STRAP: variants seen among roughly 807,000 people sequenced by gnomAD.
The protein encoded by STRAP is serine/threonine kinase receptor associated protein.
In STRAP, 16 loss-of-function variants were observed where a neutral mutation model predicts 47.0. The observed-to-expected ratio is 0.34, with a 90% CI of 0.23 to 0.52. The LOEUF (loss-of-function observed/expected upper bound fraction) is 0.52. Ranked by LOEUF, STRAP falls within the 20% of genes least tolerant of loss-of-function variation. The probability of loss-of-function intolerance (pLI) is 0.96; values close to 1 mark genes in which losing one functional copy is unlikely to be tolerated. For missense variants in STRAP, 293 were observed against 420.0 expected (o/e 0.70, Z 2.64); for synonymous variants, 130 against 142.7 (o/e 0.91, Z 0.63).
Position 15,883,013 on chromosome 12 carries a change from G to T in STRAP, c.112+194G>T, listed in dbSNP as rs74063285. The T allele has an allele frequency of 4.2e-3, 6,298 of 1,506,424 alleles. 235 individuals carry two copies. In the African/African-American group the frequency reaches 0.078, roughly 19 times the overall value. 93.3% of individuals were successfully genotyped at this position (1,506,424 alleles called of 1,614,324 possible). ...AATCCGCAGCTGGAGCCGAGAGGAC[G>T]CTTTTGTAGAAACTATTACCTCCAA... On this transcript the variant is annotated intron_variant, in intron 1 of 9. Coordinates refer to ENST00000419869, the MANE Select transcript of STRAP (RefSeq NM_007178.4).
rs1948039940 is a variant in STRAP, at chr12:15,894,077, G to C, written c.434G>C (p.Gly145Ala). The change falls in exon 5 of 10, where the codon GGT (glycine) becomes GCT (alanine). Residue 145 changes from glycine to alanine, a missense_variant. Physicochemically the swap from Gly to Ala is moderately conservative, Grantham distance 60. This residue lies in a region of STRAP where 152 missense variants were observed against 183.0 expected (regional missense o/e 0.83). Transcript: ENST00000419869. This position sits in a 1 kb window ranked among gnomAD's most constrained non-coding sequence, Gnocchi z 4.9. ...EPKEISGHTS[G>A]IKKALWCSED... ...AAGGAAATTAGTGGTCATACTTCTG[G>C]TATAAAAAAAGCTCTGTGGTGCAGT... The C allele has an allele frequency of 6.2e-7, 1 of 1,613,170 alleles. No individual in the cohort carries two copies. Among genetic ancestry groups the C allele is most frequent in the African/African-American group, 1.3e-5 (1 of 74,834 alleles).
Position 15,902,948 on chromosome 12 carries a change from CT to C in STRAP, c.1026del (p.Pro343LeufsTer20). 1 of 1,406,544 alleles carries C rather than the reference CT, an allele frequency of 7.1e-7. No individual in the cohort carries two copies. The highest frequency in any genetic ancestry group is 2.3e-5 in the Admixed American group (1 of 43,292). 87.1% of individuals were successfully genotyped at this position (1,406,544 alleles called of 1,614,324 possible). On this transcript the variant is annotated frameshift_variant, in exon 10 of 10. Transcript: ENST00000419869. LOFTEE classifies it high-confidence loss of function. Reference sequence around the variant, plus strand: ...TTGCTTCAGAGAATTCAGATTGCATCTTTCCTTCAGCTCCTGATGTTAAGGC... The same window carrying C: ...TTGCTTCAGAGAATTCAGATTGCATCTTCCTTCAGCTCCTGATGTTAAGGC... Reference protein sequence around the residue: ...EIASENSDCIFPSAPDVKA With the variant: ...EIASENSDCIXPSAPDVKA
rs373215255 is a variant in STRAP, at chr12:15,882,704, C to T, written c.-4C>T. 13 of 1,608,056 alleles carry T rather than the reference C, an allele frequency of 8.1e-6. No individual in the cohort carries two copies. The highest frequency in any genetic ancestry group is 3.4e-6 in the Non-Finnish European group (4 of 1,178,472). On this transcript the variant is annotated 5_prime_UTR_variant, in exon 1 of 10. Transcript: ENST00000419869. ...CCAGTCCGGTCGCTGGCTTCGCCGCCGCCATGGCAATGAGACAGACGCCGC... is the reference window on the plus strand; with the variant it reads ...CCAGTCCGGTCGCTGGCTTCGCCGCTGCCATGGCAATGAGACAGACGCCGC...
At chr12:15,900,637 G>T (rs1012633543) in intron 8 of STRAP, among the ~76,000 whole-genome samples, 1 of 151,990 alleles carries the variant, frequency 6.6e-6, no homozygotes, top group Non-Finnish European at 1.5e-5. Context: ...GCAATATAAA[G>T]AATTTACAAG....
At position 15,890,017 on chromosome 12, in the gene STRAP, A is replaced by G; in HGVS notation, c.330+8A>G. 2 of 1,613,416 alleles carry G rather than the reference A, an allele frequency of 1.2e-6. No individual in the cohort carries two copies. The highest frequency in any genetic ancestry group is 1.7e-6 in the Non-Finnish European group (2 of 1,179,436). The stretch of plus-strand genomic sequence containing the variant: ...ACTGTGGATTTCACGCAGGTATCAG[A>G]AAATGGAATTTATTTTAGCGAGTTA... On this transcript the variant is annotated splice_region_variant and intron_variant, in intron 3 of 9. Coordinates refer to ENST00000419869, the MANE Select transcript of STRAP (RefSeq NM_007178.4). The surrounding 1 kb of genome is among the most constrained non-coding windows in gnomAD (Gnocchi z 4.5).
chr12:15,891,785 G>T (rs11056695), intron 4 of STRAP, among the ~76,000 whole-genome samples: 10,131 of 151,924 alleles, frequency 0.067, 1,086 homozygotes, highest in African/African-American at 0.22. Context: ...TCTACTAAAA[G>T]TACAAAAAAA....
chr12:15,899,431 C>G (rs1948085528), intron 7 of STRAP, among the ~76,000 whole-genome samples: 1 of 152,116 alleles, frequency 6.6e-6, no homozygotes, highest in Non-Finnish European at 1.5e-5. Context: ...TTCTGTGTGA[C>G]AGAATAATTA....
Position 15,882,681 on chromosome 12 carries a change from A to T in STRAP, c.-27A>T, listed in dbSNP as rs751716028. The T allele has an allele frequency of 2.4e-5, 38 of 1,587,184 alleles. No individual in the cohort carries two copies. In the Admixed American group the frequency reaches 3.8e-4, roughly 16 times the overall value. On this transcript the variant is annotated 5_prime_UTR_variant, in exon 1 of 10. Coordinates refer to ENST00000419869, the MANE Select transcript of STRAP (RefSeq NM_007178.4). ...AGACAACGACGACCCTCAGCTCGCC[A>T]GTCCGGTCGCTGGCTTCGCCGCCGC...
At chr12:15,897,177 A>G (rs1948066104) in intron 6 of STRAP, among the ~76,000 whole-genome samples, 1 of 152,230 alleles carries the variant, frequency 6.6e-6, no homozygotes, top group African/African-American at 2.4e-5. Context: ...TTTAAAGTAT[A>G]TGATGATGGG....
In STRAP at chr12:15,890,774, T is replaced by G. The variant is rs1226091750; in HGVS notation, c.403+105T>G. 4.9e-5 allele frequency: 50 copies of G among 1,012,894 alleles called. No individual in the cohort carries two copies. The highest frequency in any genetic ancestry group is 7.3e-5 in the Non-Finnish European group (50 of 688,398). 62.7% of individuals were successfully genotyped at this position (1,012,894 alleles called of 1,614,324 possible). On this transcript the variant is annotated intron_variant, in intron 4 of 9. Coordinates refer to ENST00000419869, the MANE Select transcript of STRAP (RefSeq NM_007178.4). This position sits in a 1 kb window ranked among gnomAD's most constrained non-coding sequence, Gnocchi z 4.5. ...ACTCAAATTTGGAAAATAAAGATAG[T>G]CATGGCCGGGCACGGTGGCTCATAC...
intron 2 of STRAP, among the ~76,000 whole-genome samples, chr12:15,884,470 C>T (rs567839531): frequency 7.7e-4 from 116 of 151,248 alleles, no homozygotes; most frequent in African/African-American, 2.8e-3. Context: ...TTCAAATATT[C>T]AAATGGTATG....
chr12:15,882,857 A>G (rs1226119768), intron 1 of STRAP, 38 bp downstream of exon 1: 6 of 1,582,818 alleles, frequency 3.8e-6, no homozygotes, highest in Non-Finnish European at 5.2e-6. Flanking sequence ...GACGGCTGGG[A>G]CTGGGCTGAA....
chr12:15,885,479 G>A (rs988138687), intron 2 of STRAP, among the ~76,000 whole-genome samples: 3 of 133,212 alleles, frequency 2.3e-5, no homozygotes, highest in Non-Finnish European at 4.6e-5. Flanking sequence ...GTGAGCCACC[G>A]TGCCTGGCCT....
At chr12:15,885,378 G>A (rs566382184) in intron 2 of STRAP, among the ~76,000 whole-genome samples, 2 of 151,792 alleles carry the variant, frequency 1.3e-5, no homozygotes, top group East Asian at 1.9e-4. Flanking sequence ...TAGTAGAGAC[G>A]GGGTTTCGCC....
chr12:15,898,607 G>A (rs1948079505), intron 7 of STRAP, among the ~76,000 whole-genome samples: 1 of 152,050 alleles, frequency 6.6e-6, no homozygotes, highest in Non-Finnish European at 1.5e-5. Context: ...TCCTTAGTAA[G>A]GGAAAGGGAA....
rs140559082 is a variant in STRAP, at chr12:15,900,025, G to A, written c.897G>A (p.Thr299=). 111 of 1,613,210 alleles carry A rather than the reference G, an allele frequency of 6.9e-5. 1 individual carries two copies. In the African/African-American group the frequency reaches 1.1e-3, roughly 15 times the overall value. Residue 299 remains threonine (T), a synonymous_variant, in exon 8 of 10, where the codon ACG becomes ACA. Coordinates refer to ENST00000419869, the MANE Select transcript of STRAP (RefSeq NM_007178.4). The part of the protein sequence containing the change: ...LRLWQTVVGK[T]YGLWKCVLPE... ...TATGGCAAACTGTGGTAGGAAAAACGTATGGCCTTTGGAAATGTGTGCTTC... is the reference window on the plus strand; with the variant it reads ...TATGGCAAACTGTGGTAGGAAAAACATATGGCCTTTGGAAATGTGTGCTTC...
rs1348578220 is a variant in STRAP, at chr12:15,882,652, GAA to G, written c.-53_-52del. 1.4e-6 allele frequency: 2 copies of G among 1,476,184 alleles called. No homozygotes were observed. Among genetic ancestry groups the G allele is most frequent in the Non-Finnish European group, 1.9e-6 (2 of 1,080,394 alleles). The allele number at this position is 1,476,184 out of a possible 1,614,324, so 91.4% of individuals were successfully genotyped here. On this transcript the variant is annotated 5_prime_UTR_variant, in exon 1 of 10. Transcript: ENST00000419869. ...GCCCGAGGCACTGCAGCAGAAGAGA[GAA>G]AAGACAACGACGACCCTCAGCTCGC...
Position 15,903,111 on chromosome 12 carries a change from G to C in STRAP, c.*133G>C. ...TAATGAGGAAAATGAATTAGCTCCA[G>C]TGCTGGAACAACTAACTAACTTGGT... is the stretch of plus-strand genomic sequence containing the variant. On this transcript the variant is annotated 3_prime_UTR_variant, in exon 10 of 10. Transcript: ENST00000419869. The C allele has an allele frequency of 1.0e-6, 1 of 983,646 alleles. No homozygotes were observed. The highest frequency in any genetic ancestry group is 2.8e-5 in the East Asian group (1 of 36,282). The allele number at this position is 983,646 out of a possible 1,614,324, so 60.9% of individuals were successfully genotyped here.
chr12:15,898,141 C>G, intron 7 of STRAP, 123 bp downstream of exon 7: 1 of 925,492 alleles, frequency 1.1e-6, no homozygotes, highest in Non-Finnish European at 1.5e-6. Context: ...TTTCAGCTAA[C>G]TTAAGCTTGG....
Sources: allele counts gnomAD v4.1 joint callset (sites outside exome capture counted in the v4.1 genomes callset), GRCh38; gene constraint gnomAD v4.1.1; regional missense constraint gnomAD v4.1.1; non-coding constraint Gnocchi (gnomAD v3.1); transcripts MANE v1.5; gene names NCBI Gene and HGNC (gene_info 2026-07-23, HGNC 2026-07-21).